Variants in ZDHHC5 observed in about 807,000 individuals in gnomAD.
The protein encoded by ZDHHC5 is zDHHC palmitoyltransferase 5.
In ZDHHC5, 22 loss-of-function variants were observed where a neutral mutation model predicts 70.0. That is an observed-to-expected ratio of 0.31 (90% CI 0.22 to 0.45). ZDHHC5 has a LOEUF of 0.45. Ranked by LOEUF, ZDHHC5 falls within the 20% of genes least tolerant of loss-of-function variation. The pLI is 1.00. For missense variants in ZDHHC5, 746 were observed against 926.9 expected, an observed-to-expected ratio of 0.80 and a Z score of 2.53; for synonymous variants, 313 against 347.8, an observed-to-expected ratio of 0.90 and a Z score of 1.11.
At position 57,687,129 on chromosome 11, in the gene ZDHHC5, C is replaced by T. The variant is rs578077033; in HGVS notation, c.227-1379C>T. On this transcript the variant is annotated intron_variant, in intron 3 of 11. Transcript: ENST00000287169. ...TACAGGCATGAGCCACCGTACCCAG[C>T]TGTACAGTTCTTTACCTAGCATTTC... 5.3e-5 allele frequency among the ~76,000 whole-genome samples: 8 copies of T among 152,286 alleles called. No individual in the cohort carries two copies. In the East Asian group the frequency reaches 1.3e-3, roughly 26 times the overall value.
intron 2 of ZDHHC5, among the ~76,000 whole-genome samples, chr11:57,679,103 C>T (rs950835123): frequency 2.6e-5 from 4 of 152,112 alleles, no homozygotes; most frequent in African/African-American, 9.7e-5. Context: ...AACAGGGTTT[C>T]AGGAGTGTGG....
intron 3 of ZDHHC5, among the ~76,000 whole-genome samples, chr11:57,683,248 A>T (rs488769): frequency 6.6e-6 from 1 of 152,026 alleles, no homozygotes. Context: ...TTTCCTTTGG[A>T]TAGGAAGAGG....
Position 57,698,758 on chromosome 11 carries a change from G to T in ZDHHC5, c.1322G>T (p.Gly441Val), listed in dbSNP as rs761258036. ...KSAQGTGFEL[G>V]QLQSIRSEGT... ...GCCCAGGGCACAGGCTTTGAGCTGG[G>T]CCAGTTGCAATCCATTCGTTCAGAG... Residue 441 changes from glycine (G) to valine (V), a missense_variant, in exon 11 of 12, where the codon GGC becomes GTC. Coordinates refer to ENST00000287169, the MANE Select transcript of ZDHHC5 (RefSeq NM_015457.3). The T allele has an allele frequency of 6.2e-7, 1 of 1,614,164 alleles. No homozygotes were observed. Among genetic ancestry groups the T allele is most frequent in the African/African-American group, 1.3e-5 (1 of 75,038 alleles).
intron 3 of ZDHHC5, among the ~76,000 whole-genome samples, chr11:57,687,322 A>G (rs893053767): frequency 6.6e-6 from 1 of 151,868 alleles, no homozygotes; most frequent in Non-Finnish European, 1.5e-5. Flanking sequence ...TGTAATCTTA[A>G]TACTTTGGGA....
chr11:57,699,035 C>T lies in ZDHHC5; in HGVS notation c.1599C>T (p.Tyr533=), dbSNP rs188205473. The T allele has an allele frequency of 1.4e-5, 22 of 1,611,394 alleles. No homozygotes were observed. Among genetic ancestry groups the T allele is most frequent in the Admixed American group, 6.7e-5 (4 of 60,016 alleles). Residue 533 remains tyrosine, a synonymous_variant, in exon 11 of 12, where the codon TAC becomes TAT. Transcript: ENST00000287169. ...ACCGAGAGCCCTCACCAGTCCGTTA[C>T]GACAATCTGTCGCGCCACATTGTGG... ...PTHREPSPVR[Y]DNLSRHIVAS...
chr11:57,700,354 A>T lies in ZDHHC5; in HGVS notation c.*323A>T, dbSNP rs890580895. On this transcript the variant is annotated 3_prime_UTR_variant, in exon 12 of 12. Transcript: ENST00000287169. ...TTTTAAACCAGAAATAATTTTTTTT[A>T]TTATTGTTACGGATTCTATTTTTTT... 2.3e-5 allele frequency: 4 copies of T among 176,722 alleles called. No homozygotes were observed. The highest frequency in any genetic ancestry group is 4.8e-5 in the Non-Finnish European group (4 of 84,072). The allele number at this position is 176,722 out of a possible 1,614,324, so 10.9% of individuals were successfully genotyped here.
chr11:57,692,960 A>G (rs917002555), intron 7 of ZDHHC5, among the ~76,000 whole-genome samples: 1 of 152,122 alleles, frequency 6.6e-6, no homozygotes, highest in African/African-American at 2.4e-5. Context: ...CTTTTTCCAC[A>G]GATGGGGGCT....
chr11:57,698,138 CACACACACACAA>C (rs1471734126), intron 10 of ZDHHC5, among the ~76,000 whole-genome samples: 2 of 151,698 alleles, frequency 1.3e-5, no homozygotes, highest in Non-Finnish European at 2.9e-5. Flanking sequence ...CACACACACA[CACACACACACAA>C]ACAAATGCCA....
At chr11:57,699,440 A>G (rs777416541) in intron 11 of ZDHHC5, 22 bp downstream of exon 11, 2 of 1,524,586 alleles carry the variant, frequency 1.3e-6, no homozygotes, top group African/African-American at 1.4e-5. Context: ...TACTATCCTG[A>G]CCCTTAGCCA....
intron 11 of ZDHHC5, 148 bp downstream of exon 11, chr11:57,699,566 C>T (rs982101943): frequency 1.7e-6 from 2 of 1,191,074 alleles, no homozygotes; most frequent in Admixed American, 5.4e-5. Context: ...ACTCTACCTG[C>T]CTTCATGGGC....
intron 6 of ZDHHC5, 107 bp downstream of exon 6, chr11:57,690,544 T>G: frequency 8.6e-6 from 10 of 1,167,924 alleles, no homozygotes; most frequent in Non-Finnish European, 1.1e-5. Context: ...TAATGAATAC[T>G]TTTCATGATT....
chr11:57,694,927 A>G (rs1263681445), intron 8 of ZDHHC5, among the ~76,000 whole-genome samples: 1 of 152,194 alleles, frequency 6.6e-6, no homozygotes, highest in Non-Finnish European at 1.5e-5. Context: ...CCTGGACAAC[A>G]TAGCGAGACT....
At chr11:57,671,722 T>C (rs917727905) in intron 1 of ZDHHC5, among the ~76,000 whole-genome samples, 5 of 152,368 alleles carry the variant, frequency 3.3e-5, no homozygotes, top group Admixed American at 2.6e-4. Context: ...TTTGATATTC[T>C]TGGTATTTGT....
At chr11:57,692,018 T>A (rs1946291845) in intron 6 of ZDHHC5, among the ~76,000 whole-genome samples, 1 of 151,800 alleles carries the variant, frequency 6.6e-6, no homozygotes, top group African/African-American at 2.4e-5. Flanking sequence ...AGACAGAGTA[T>A]CGCTTTGTCA....
chr11:57,684,676 C>T (rs1946188449), intron 3 of ZDHHC5, among the ~76,000 whole-genome samples: 1 of 152,112 alleles, frequency 6.6e-6, no homozygotes, highest in South Asian at 2.1e-4. Flanking sequence ...AAGAAGTAGG[C>T]TCTTTCTGGA....
intron 3 of ZDHHC5, among the ~76,000 whole-genome samples, chr11:57,687,882 TGCCTTA>T (rs1435846450): frequency 6.6e-6 from 1 of 150,870 alleles, no homozygotes; most frequent in African/African-American, 2.4e-5. Flanking sequence ...GCGATTCTCT[TGCCTTA>T]GCCTCCTGAG....
chr11:57,679,248 G>GC (rs1311476947), intron 2 of ZDHHC5, among the ~76,000 whole-genome samples: 1 of 152,070 alleles, frequency 6.6e-6, no homozygotes, highest in East Asian at 1.9e-4. Flanking sequence ...TGCAACCTCT[G>GC]CCCCCCGGGT....
rs767994597 is a variant in ZDHHC5, at chr11:57,690,451, T to C, written c.660+14T>C. ...ACCAATGAACAGGTATGGAGAAAAGTGACGAGAGACCCCTGAAGAGCAGGT... is the reference window on the plus strand; with the variant it reads ...ACCAATGAACAGGTATGGAGAAAAGCGACGAGAGACCCCTGAAGAGCAGGT... On this transcript the variant is annotated intron_variant, in intron 6 of 11. Transcript: ENST00000287169. The C allele has an allele frequency of 6.2e-7, 1 of 1,613,660 alleles. No homozygotes were observed. Among genetic ancestry groups the C allele is most frequent in the Admixed American group, 1.7e-5 (1 of 60,000 alleles).
chr11:57,675,579 A>G (rs1014589550), intron 2 of ZDHHC5, among the ~76,000 whole-genome samples: 2 of 152,200 alleles, frequency 1.3e-5, no homozygotes, highest in Non-Finnish European at 2.9e-5. Flanking sequence ...ACCCTAAGTC[A>G]TAGCTGGAGT....
Sources: gnomAD v4.1 joint callset for allele counts (sites outside exome capture counted in the v4.1 genomes callset) on GRCh38, gnomAD v4.1.1 for gene constraint, MANE v1.5 for transcripts, NCBI Gene and HGNC (gene_info 2026-07-23, HGNC 2026-07-21) for gene names.